Variants in C5 observed in about 807,000 individuals in gnomAD.
The protein encoded by C5 is complement C5, also known as C3 and PZP-like alpha-2-macroglobulin domain-containing protein 4.
C5 carries 140 observed loss-of-function variants against 218.8 expected under a neutral mutation model. The ratio of observed to expected loss-of-function variants is 0.64; its 90% confidence interval spans 0.56 to 0.74. The LOEUF (loss-of-function observed/expected upper bound fraction) is 0.74, where lower values mean the gene tolerates loss of function less well. Among genes scored for constraint, C5 ranks in the 30% least tolerant of loss-of-function variants. The pLI is 0.00. For synonymous variants in C5, 614 were observed against 682.3 expected, an observed-to-expected ratio of 0.90 and a Z score of 1.56; for missense variants, 1,700 against 1,969.6, an observed-to-expected ratio of 0.86 and a Z score of 2.59.
chr9:121,063,808 C>T, the C5 span, among the ~76,000 whole-genome samples: 13 of 152,188 alleles, frequency 8.5e-5, no homozygotes, highest in Admixed American at 5.2e-4. Context: ...AACCCTTTAA[C>T]CCTATGAAAT....
chr9:120,964,579 T>A (rs192435417), intron 33 of C5, among the ~76,000 whole-genome samples: 1 of 152,306 alleles, frequency 6.6e-6, no homozygotes, highest in African/African-American at 2.4e-5. Context: ...TTTCTATATT[T>A]CCCATAATAG....
chr9:120,975,512 G>T (rs2046946816), intron 29 of C5, among the ~76,000 whole-genome samples: 1 of 152,172 alleles, frequency 6.6e-6, no homozygotes, highest in African/African-American at 2.4e-5. Context: ...ATGTGGCAGT[G>T]TTAGGAGGTG....
intron 7 of C5, among the ~76,000 whole-genome samples, chr9:121,028,395 G>A (rs934131411): frequency 6.6e-6 from 1 of 152,162 alleles, no homozygotes; most frequent in Non-Finnish European, 1.5e-5. Flanking sequence ...ACATGCACAC[G>A]TATGTTTACT....
At chr9:120,988,848 G>A (rs2047054040) in intron 25 of C5, among the ~76,000 whole-genome samples, 198 bp downstream of exon 25, 1 of 152,088 alleles carries the variant, frequency 6.6e-6, no homozygotes, top group South Asian at 2.1e-4. Context: ...TGGTGGAGGT[G>A]GTGAGAAGTA....
At chr9:120,980,843 C>T (rs187109722) in intron 27 of C5, among the ~76,000 whole-genome samples, 14 of 152,204 alleles carry the variant, frequency 9.2e-5, no homozygotes, top group African/African-American at 2.4e-4. Flanking sequence ...GTGATCCGCC[C>T]GCCTCGGCCT....
chr9:121,071,274 C>T, the C5 span, among the ~76,000 whole-genome samples: 13 of 152,052 alleles, frequency 8.5e-5, no homozygotes, highest in South Asian at 4.2e-4. Flanking sequence ...GAGCCATGAT[C>T]GTGCTACTGC....
At chr9:120,972,074 G>A in intron 30 of C5, 82 bp from the exon 31 acceptor site, 1 of 1,106,302 alleles carries the variant, frequency 9.0e-7, no homozygotes, top group Non-Finnish European at 1.4e-6. Context: ...AAAGTGGGTT[G>A]ACATGTACCA....
intron 22 of C5, among the ~76,000 whole-genome samples, chr9:120,993,945 G>A (rs1489137950): frequency 3.9e-5 from 6 of 152,170 alleles, no homozygotes; most frequent in Non-Finnish European, 7.4e-5. Context: ...AGAGGGGCCT[G>A]CCTAAACCAA....
chr9:120,962,568 G>A, intron 36 of C5, 103 bp downstream of exon 36: 1 of 882,588 alleles, frequency 1.1e-6, no homozygotes, highest in Non-Finnish European at 1.9e-6. Flanking sequence ...TGGTCCCTAA[G>A]AGAGGCAATA....
Position 120,989,090 on chromosome 9 carries a change from A to C in C5, c.3186T>G (p.Ala1062=). 1 of 1,613,994 alleles carries C rather than the reference A, an allele frequency of 6.2e-7. No individual in the cohort carries two copies. The change falls in exon 25 of 41, where the codon GCT becomes GCG. Residue 1062 remains alanine, a synonymous_variant. Transcript: ENST00000223642. ...CCTTCCACACACTGTAAGAGTAGTC[A>C]GCATTTCTGTAGGACATAATGCTCA... The part of the protein sequence containing the change: ...GMLSIMSYRN[A]DYSYSVWKGG...
At chr9:121,045,765 G>T (rs1310376034) in intron 2 of C5, among the ~76,000 whole-genome samples, 1 of 152,102 alleles carries the variant, frequency 6.6e-6, no homozygotes, top group African/African-American at 2.4e-5. Flanking sequence ...TTTAGTTTTT[G>T]AAACTATAAT....
chr9:121,004,512 G>T (rs558395099), intron 20 of C5, among the ~76,000 whole-genome samples: 3 of 152,122 alleles, frequency 2.0e-5, no homozygotes, highest in Non-Finnish European at 4.4e-5. Flanking sequence ...AGTTCCTCAT[G>T]CTTGTAATCC....
intron 37 of C5, among the ~76,000 whole-genome samples, chr9:120,960,624 A>G (rs1216341012): frequency 1.3e-5 from 2 of 152,232 alleles, no homozygotes; most frequent in African/African-American, 2.4e-5. Context: ...GCGGCACAAC[A>G]CAAATTCGTA....
At chr9:121,058,042 T>C in the C5 span, among the ~76,000 whole-genome samples, 2 of 152,220 alleles carry the variant, frequency 1.3e-5, no homozygotes, top group Non-Finnish European at 2.9e-5. Context: ...CACGTCTCAA[T>C]AAGACCTGTA....
At chr9:121,008,185 A>G (rs776043036) in intron 18 of C5, among the ~76,000 whole-genome samples, 2 of 152,240 alleles carry the variant, frequency 1.3e-5, no homozygotes, top group Non-Finnish European at 2.9e-5. Context: ...TAAATGGAAT[A>G]GCACCCTTCT....
intron 20 of C5, among the ~76,000 whole-genome samples, chr9:121,002,220 A>ACG (rs1564146361): frequency 6.3e-5 from 3 of 47,270 alleles, no homozygotes; most frequent in Non-Finnish European, 1.3e-4. Context: ...ATATACGTAT[A>ACG]TATATATATG....
intron 22 of C5, among the ~76,000 whole-genome samples, chr9:120,992,290 T>C (rs1287975458): frequency 6.6e-6 from 1 of 152,210 alleles, no homozygotes; most frequent in African/African-American, 2.4e-5. Flanking sequence ...TATATCAAAA[T>C]AAAATTCAGA....
chr9:121,031,469 T>C (rs1296509962), intron 6 of C5, among the ~76,000 whole-genome samples: 6 of 152,200 alleles, frequency 3.9e-5, no homozygotes, highest in Non-Finnish European at 7.3e-5. Flanking sequence ...TCTATGACTA[T>C]TTAAGTTTCT....
chr9:120,955,694 A>G (rs1428083438), intron 39 of C5, among the ~76,000 whole-genome samples: 2 of 152,164 alleles, frequency 1.3e-5, no homozygotes, highest in Non-Finnish European at 2.9e-5. Flanking sequence ...CTTTCAAAAT[A>G]ACAAAAATTT....
Sources: allele counts gnomAD v4.1 joint callset (sites outside exome capture counted in the v4.1 genomes callset), GRCh38; gene constraint gnomAD v4.1.1; transcripts MANE v1.5; gene names NCBI Gene and HGNC (gene_info 2026-07-23, HGNC 2026-07-21).